Variants in FAM174B observed in about 807,000 individuals in gnomAD.
FAM174B encodes the protein family with sequence similarity 174 member B, also known as membrane protein FAM174B.
Under a neutral mutation model 10.9 loss-of-function variants are expected in FAM174B, and 12 were observed. That is an observed-to-expected ratio of 1.10 (90% confidence interval 0.71 to 1.79). The LOEUF is 1.79. Ranked by LOEUF, FAM174B falls within the 40% of genes most tolerant of loss-of-function variation. The probability of loss-of-function intolerance (pLI) is 0.00; values close to 1 mark genes in which losing one functional copy is unlikely to be tolerated. For missense variants in FAM174B, 266 were observed against 233.3 expected (o/e 1.14, Z -0.91); for synonymous variants, 132 against 115.8 (o/e 1.14, Z -0.90).
chr15:92,653,926 C>G lies in FAM174B; in HGVS notation c.344+1390G>C, dbSNP rs141201874. Among the ~76,000 whole-genome samples, 126 of 152,298 alleles carry G rather than the reference C, an allele frequency of 8.3e-4. 1 individual carries two copies. The highest frequency in any genetic ancestry group is 6.9e-3 in the Admixed American group (106 of 15,306). On this transcript the variant is annotated intron_variant, in intron 1 of 2. Transcript: ENST00000327355. Reference sequence around the variant, plus strand: ...TATTGCCATGCCTAGGTAGTGGCCACAGAGAGCTGCTAGAGTTTGTAAACA... The same window carrying G: ...TATTGCCATGCCTAGGTAGTGGCCAGAGAGAGCTGCTAGAGTTTGTAAACA...
intron 2 of FAM174B, 62 bp from the exon 3 acceptor site, chr15:92,619,521 C>T: frequency 1.3e-6 from 2 of 1,570,826 alleles, no homozygotes; most frequent in Non-Finnish European, 1.7e-6. Context: ...CCATTCTGAC[C>T]CCTCCTGAAC....
At chr15:92,622,797 G>T (rs1472365562) in intron 2 of FAM174B, among the ~76,000 whole-genome samples, 1 of 152,184 alleles carries the variant, frequency 6.6e-6, no homozygotes. Context: ...AGAACTTATT[G>T]CCCCTTCCTG....
chr15:92,652,901 C>T (rs2050976217), intron 1 of FAM174B, among the ~76,000 whole-genome samples: 1 of 152,108 alleles, frequency 6.6e-6, no homozygotes, highest in African/African-American at 2.4e-5. Context: ...AGGGGAAAGG[C>T]CACAGTACAG....
At chr15:92,624,319 C>T (rs1272464142) in intron 2 of FAM174B, among the ~76,000 whole-genome samples, 3 of 152,132 alleles carry the variant, frequency 2.0e-5, no homozygotes, top group Non-Finnish European at 4.4e-5. Flanking sequence ...TGTTTCTATA[C>T]CCACCGCCCA....
chr15:92,638,340 G>A (rs2050868934), intron 1 of FAM174B, among the ~76,000 whole-genome samples: 1 of 152,190 alleles, frequency 6.6e-6, no homozygotes, highest in African/African-American at 2.4e-5. Flanking sequence ...CCTGAAGCCA[G>A]AGGGTTTGTT....
Position 92,655,606 on chromosome 15 carries a change from G to C in FAM174B, c.54C>G (p.Leu18=), listed in dbSNP as rs761064644. ...APLLPLLLLA[L]LAAPAARASR... is the part of the protein sequence containing the mutation. ...TGGCGCGGGCGGCGGGAGCGGCCAG[G>C]AGCGCGAGCAGCAGCAGCGGCAGGA... is the stretch of plus-strand genomic sequence containing the variant. Residue 18 remains leucine (L), a synonymous_variant, in exon 1 of 3, where the codon CTC becomes CTG. Transcript: ENST00000327355. The C allele has an allele frequency of 9.8e-5, 125 of 1,277,898 alleles. 1 individual carries two copies. The highest frequency in any genetic ancestry group is 1.8e-4 in the South Asian group (6 of 33,616). The allele number at this position is 1,277,898 out of a possible 1,614,324, so 79.2% of individuals were successfully genotyped here. A position where few individuals can be genotyped will look rare whatever the true frequency, so the allele number is the denominator to read the frequency against.
chr15:92,629,828 C>T (rs759680820), intron 2 of FAM174B, among the ~76,000 whole-genome samples: 40 of 152,218 alleles, frequency 2.6e-4, no homozygotes, highest in South Asian at 4.1e-4. Flanking sequence ...GTGCTGCTCT[C>T]GTCCTGACAG....
intron 1 of FAM174B, among the ~76,000 whole-genome samples, chr15:92,640,524 C>T (rs2050883565): frequency 9.1e-6 from 1 of 109,582 alleles, no homozygotes; most frequent in Non-Finnish European, 1.7e-5. Flanking sequence ...TGCACTACAG[C>T]CTGGATGACA....
rs959250713 is a variant in FAM174B, at chr15:92,617,570, G to A, written c.*1886C>T. 39 of 556,296 alleles carry A rather than the reference G, an allele frequency of 7.0e-5. No individual in the cohort carries two copies. Among genetic ancestry groups the A allele is most frequent in the Non-Finnish European group, 1.0e-4 (32 of 315,748 alleles). The allele number at this position is 556,296 out of a possible 1,614,324, so 34.5% of individuals were successfully genotyped here. On this transcript the variant is annotated 3_prime_UTR_variant, in exon 3 of 3. Coordinates refer to ENST00000327355, the MANE Select transcript of FAM174B (RefSeq NM_207446.3). The stretch of plus-strand genomic sequence containing the variant: ...CAGTGGCAAGCACCTGGCAGATGGA[G>A]CCCGGGTGTTTCTGCGTAAGGCAGA...
At chr15:92,650,113 T>C (rs2050955709) in intron 1 of FAM174B, among the ~76,000 whole-genome samples, 1 of 152,234 alleles carries the variant, frequency 6.6e-6, no homozygotes, top group African/African-American at 2.4e-5. Flanking sequence ...TTTTAAATGG[T>C]AACTTTCCCT....
At position 92,618,828 on chromosome 15, in the gene FAM174B, CTT is replaced by C. The variant is rs1301267515; in HGVS notation, c.*626_*627del. ...CTAGCCACGCTGATTTCTGCTGAAC[CTT>C]TTTTTTTTTTAAAAAAAAAAAAAAA... On this transcript the variant is annotated 3_prime_UTR_variant, in exon 3 of 3. Transcript: ENST00000327355. 7.4e-4 allele frequency: 104 copies of C among 139,978 alleles called. No individual in the cohort carries two copies. In the Middle Eastern group the frequency reaches 0.014, roughly 19 times the overall value. 8.7% of individuals were successfully genotyped at this position (139,978 alleles called of 1,614,324 possible). A position where few individuals can be genotyped will look rare whatever the true frequency, so the allele number is the denominator to read the frequency against.
At chr15:92,633,952 T>C (rs1217842913) in intron 1 of FAM174B, among the ~76,000 whole-genome samples, 1 of 151,866 alleles carries the variant, frequency 6.6e-6, no homozygotes, top group Non-Finnish European at 1.5e-5. Flanking sequence ...CAAAACCACA[T>C]GAAAAACCAC....
chr15:92,633,806 C>T (rs2050835017), intron 1 of FAM174B, among the ~76,000 whole-genome samples: 1 of 152,150 alleles, frequency 6.6e-6, no homozygotes, highest in Non-Finnish European at 1.5e-5. Context: ...CTTCTCTCCA[C>T]CTCCCTCCAA....
At chr15:92,635,206 A>G (rs1436668728) in intron 1 of FAM174B, among the ~76,000 whole-genome samples, 1 of 149,350 alleles carries the variant, frequency 6.7e-6, no homozygotes, top group Non-Finnish European at 1.5e-5. Flanking sequence ...CACCCTATTG[A>G]TTCTGTTTCC....
At chr15:92,630,985 T>C (rs1317233088) in intron 1 of FAM174B, among the ~76,000 whole-genome samples, 25 of 258 alleles carry the variant, frequency 0.097, 4 homozygotes, top group Admixed American at 0.5. Flanking sequence ...TTATATATTA[T>C]ATATTACGTA....
In FAM174B at chr15:92,620,477, A is replaced by AAG. The variant is rs199713981; in HGVS notation, c.477-1019_477-1018insCT. On this transcript the variant is annotated intron_variant, in intron 2 of 2. Coordinates refer to ENST00000327355, the MANE Select transcript of FAM174B (RefSeq NM_207446.3). ...CGCACCACTGCACTCCAGCCTGGGC[A>AAG]ACAGAGCAAGACTCCGTCTCAAAAA... Among the ~76,000 whole-genome samples, 1,317 of 149,574 alleles carry AAG rather than the reference A, an allele frequency of 8.8e-3. 15 individuals carry two copies. Among genetic ancestry groups the AAG allele is most frequent in the East Asian group, 0.06 (299 of 4,990 alleles).
chr15:92,630,871 T>TAC (rs1218421151), intron 1 of FAM174B, among the ~76,000 whole-genome samples: 1 of 48,272 alleles, frequency 2.1e-5, no homozygotes, highest in Non-Finnish European at 6.6e-5. Flanking sequence ...TATTACATAT[T>TAC]ATATATTATA....
intron 2 of FAM174B, among the ~76,000 whole-genome samples, chr15:92,623,428 C>G (rs2050732782): frequency 6.6e-6 from 1 of 152,180 alleles, no homozygotes; most frequent in Non-Finnish European, 1.5e-5. Flanking sequence ...ACCACCCCCA[C>G]CAAAATCTCT....
At chr15:92,650,354 T>C (rs761689668) in intron 1 of FAM174B, among the ~76,000 whole-genome samples, 64 of 152,184 alleles carry the variant, frequency 4.2e-4, no homozygotes, top group Non-Finnish European at 7.2e-4. Flanking sequence ...TCAGACCGCT[T>C]AGAATTCAAC....
Sources: gnomAD v4.1 joint callset for allele counts (sites outside exome capture counted in the v4.1 genomes callset) on GRCh38, gnomAD v4.1.1 for gene constraint, MANE v1.5 for transcripts, NCBI Gene and HGNC (gene_info 2026-07-23, HGNC 2026-07-21) for gene names.